Variants in GPC6 observed in about 807,000 individuals in gnomAD.
GPC6 encodes the protein glypican 6.
Under a neutral mutation model 55.2 loss-of-function variants are expected in GPC6, and 14 were observed. The observed-to-expected ratio is 0.25, with a 90% CI of 0.17 to 0.40. GPC6 has a LOEUF of 0.40. Ranked by LOEUF, GPC6 falls within the 10% of genes least tolerant of loss-of-function variation. The probability of loss-of-function intolerance (pLI) is 1.00; values close to 1 mark genes in which losing one functional copy is unlikely to be tolerated. For missense variants in GPC6, 641 were observed against 708.5 expected, an observed-to-expected ratio of 0.90 and a Z score of 1.08; for synonymous variants, 278 against 259.6, an observed-to-expected ratio of 1.07 and a Z score of -0.68.
intron 3 of GPC6, among the ~76,000 whole-genome samples, chr13:93,974,204 A>G (rs547614077): frequency 2.6e-5 from 4 of 152,330 alleles, no homozygotes; most frequent in Admixed American, 2.6e-4. Flanking sequence ...AGTGTTACAC[A>G]GGCAGCATGA....
intron 5 of GPC6, among the ~76,000 whole-genome samples, chr13:94,292,651 G>A (rs548809961): frequency 2.0e-4 from 31 of 151,874 alleles, no homozygotes; most frequent in African/African-American, 7.5e-4. Context: ...TGTATATGAA[G>A]GCCAAAGGTG....
chr13:94,121,326 A>C (rs1007844407), intron 4 of GPC6, among the ~76,000 whole-genome samples: 8 of 152,176 alleles, frequency 5.3e-5, no homozygotes, highest in African/African-American at 1.9e-4. Context: ...CAAAACCCAC[A>C]GATTAATTCT....
intron 6 of GPC6, among the ~76,000 whole-genome samples, chr13:94,366,489 G>A (rs548100940): frequency 6.6e-6 from 1 of 152,318 alleles, no homozygotes; most frequent in East Asian, 1.9e-4. Context: ...ATGATGGTAG[G>A]AGCAGAGGTC....
chr13:93,920,249 G>C (rs1877500288), intron 3 of GPC6, among the ~76,000 whole-genome samples: 1 of 151,828 alleles, frequency 6.6e-6, no homozygotes, highest in South Asian at 2.1e-4. Context: ...TTTTTCACTT[G>C]TTTCTATTCT....
chr13:94,260,324 G>T (rs1891620588), intron 4 of GPC6, among the ~76,000 whole-genome samples: 1 of 152,160 alleles, frequency 6.6e-6, no homozygotes, highest in African/African-American at 2.4e-5. Flanking sequence ...ATATCAGTTT[G>T]CTAGGGCTGC....
intron 1 of GPC6, among the ~76,000 whole-genome samples, chr13:93,382,535 T>A (rs1044190299): frequency 6.6e-6 from 1 of 152,184 alleles, no homozygotes; most frequent in African/African-American, 2.4e-5. Flanking sequence ...TATGAGAATA[T>A]CATTGGCAAT....
At chr13:93,792,548 T>C (rs1886076410) in intron 2 of GPC6, among the ~76,000 whole-genome samples, 2 of 152,022 alleles carry the variant, frequency 1.3e-5, no homozygotes, top group South Asian at 4.2e-4. Context: ...TGGCCTCAAG[T>C]GATCCACACA....
chr13:93,742,588 C>T (rs1055468993), intron 2 of GPC6, among the ~76,000 whole-genome samples: 1 of 152,122 alleles, frequency 6.6e-6, no homozygotes, highest in Non-Finnish European at 1.5e-5. Flanking sequence ...CAGTTGTCTC[C>T]GGATGGGTTG....
intron 2 of GPC6, among the ~76,000 whole-genome samples, chr13:93,613,377 C>CGTAG: frequency 6.6e-6 from 1 of 152,166 alleles, no homozygotes; most frequent in Non-Finnish European, 1.5e-5. Context: ...GAGTATTGGA[C>CGTAG]GTAGGTAGCT....
Position 94,101,301 on chromosome 13 carries a change from G to A in GPC6, c.877+73407G>A, listed in dbSNP as rs1032367136. 3.9e-5 allele frequency among the ~76,000 whole-genome samples: 6 copies of A among 152,308 alleles called. No individual in the cohort carries two copies. In the East Asian group the frequency reaches 1.2e-3, roughly 29 times the overall value. On this transcript the variant is annotated intron_variant, in intron 4 of 8. Coordinates refer to ENST00000377047, the MANE Select transcript of GPC6 (RefSeq NM_005708.5). ...AACAGTAAATGTTTGCACCATTAAA[G>A]GTACTGAATTGTTCCATGTTATCAA...
At chr13:93,596,072 C>CAGAT (rs1337520205) in intron 2 of GPC6, among the ~76,000 whole-genome samples, 21 of 152,138 alleles carry the variant, frequency 1.4e-4, no homozygotes, top group Non-Finnish European at 2.5e-4. Context: ...GTCTATCATA[C>CAGAT]AGATATTGCA....
At chr13:93,485,390 T>G (rs1408094733) in intron 1 of GPC6, among the ~76,000 whole-genome samples, 1 of 152,174 alleles carries the variant, frequency 6.6e-6, no homozygotes, top group Non-Finnish European at 1.5e-5. Context: ...GAGGATCCCA[T>G]TAGATCTGAT....
intron 2 of GPC6, among the ~76,000 whole-genome samples, chr13:93,591,063 A>G (rs905251505): frequency 2.6e-5 from 4 of 151,950 alleles, no homozygotes; most frequent in Non-Finnish European, 5.9e-5. Flanking sequence ...AGTTCTCTAC[A>G]AAAGCAATCA....
chr13:94,254,823 G>A (rs1221085123), intron 4 of GPC6, among the ~76,000 whole-genome samples: 1 of 152,178 alleles, frequency 6.6e-6, no homozygotes, highest in Middle Eastern at 3.4e-3. Flanking sequence ...CTGCTCATCA[G>A]TGATTTTCAG....
chr13:93,776,307 C>G (rs1885465932), intron 2 of GPC6, among the ~76,000 whole-genome samples: 1 of 152,158 alleles, frequency 6.6e-6, no homozygotes. Context: ...GTTCTAAACA[C>G]TTTAACAACA....
chr13:93,890,948 T>C (rs1029948743), intron 3 of GPC6, among the ~76,000 whole-genome samples: 2 of 151,972 alleles, frequency 1.3e-5, no homozygotes, highest in African/African-American at 2.4e-5. Context: ...TTTCTGTTAA[T>C]CAAATTTATC....
At chr13:93,514,740 G>C (rs1364236361) in intron 1 of GPC6, among the ~76,000 whole-genome samples, 1 of 152,170 alleles carries the variant, frequency 6.6e-6, no homozygotes, top group Non-Finnish European at 1.5e-5. Flanking sequence ...TTAAAAGTCA[G>C]ACTGGGATTT....
At chr13:93,956,370 T>C (rs1879507963) in intron 3 of GPC6, among the ~76,000 whole-genome samples, 1 of 152,216 alleles carries the variant, frequency 6.6e-6, no homozygotes, top group Non-Finnish European at 1.5e-5. Context: ...CTTCCAAATA[T>C]GATTCTTTTT....
rs74108616 is a variant in GPC6 at position 93,733,072 on chromosome 13, A to G, written c.320-97082A>G. On this transcript the variant is annotated intron_variant, in intron 2 of 8. Transcript: ENST00000377047. ...CCTCTACTTGGTTATTGTCAGAGAT[A>G]AATTATATAGGTTATATTACTTCCA... is the stretch of plus-strand genomic sequence containing the variant. Among the ~76,000 whole-genome samples the G allele has an allele frequency of 8.3e-3, 1,264 of 152,188 alleles. 15 individuals carry two copies. The highest frequency in any genetic ancestry group is 0.029 in the African/African-American group (1,191 of 41,544).
Sources: gnomAD v4.1 joint callset for allele counts (sites outside exome capture counted in the v4.1 genomes callset) on GRCh38, gnomAD v4.1.1 for gene constraint, MANE v1.5 for transcripts, NCBI Gene and HGNC (gene_info 2026-07-23, HGNC 2026-07-21) for gene names.